The following KCNQ1 variants were observed in gnomAD, a reference collection of about 807,000 sequenced individuals.
KCNQ1 encodes the protein potassium voltage-gated channel subfamily Q member 1, also known as potassium voltage-gated channel subfamily KQT member 1.
A neutral mutation model predicts 72.4 loss-of-function variants in KCNQ1; 49 were observed. The observed-to-expected ratio is 0.68, with a 90% CI of 0.54 to 0.86. KCNQ1 has a LOEUF of 0.86. KCNQ1 is among the 40% of genes least tolerant of loss of function. KCNQ1 has a pLI of 0.00. For missense variants in KCNQ1, 790 were observed against 945.1 expected (o/e 0.84, Z 2.15); for synonymous variants, 450 against 412.6 (o/e 1.09, Z -1.10).
Position 2,570,671 on chromosome 11 carries a change from G to A in KCNQ1, c.521G>A (p.Arg174His), listed in dbSNP as rs199472697. 2 of 1,612,404 alleles carry A rather than the reference G, an allele frequency of 1.2e-6. No individual in the cohort carries two copies. Among genetic ancestry groups the A allele is most frequent in the South Asian group, 1.1e-5 (1 of 91,082 alleles). The change falls in exon 3 of 16, where the codon CGC becomes CAC. Residue 174 changes from arginine (R) to histidine (H), a missense_variant. By Grantham distance (29) the Arg-to-His change is conservative. Around this residue, in one of 5 missense-constraint regions of KCNQ1, gnomAD observed 294 missense variants for 323.3 expected, o/e 0.91. Coordinates refer to ENST00000155840, the MANE Select transcript of KCNQ1 (RefSeq NM_000218.3). The stretch of plus-strand genomic sequence containing the variant: ...TTCTTCGGGACGGAGTACGTGGTCC[G>A]CCTCTGGTCCGCCGGCTGCCGCAGC... ...VVFFGTEYVV[R>H]LWSAGCRSKY...
At position 2,658,602 on chromosome 11, in the gene KCNQ1, A is replaced by G. The variant is rs1369756521; in HGVS notation, c.1394-3359A>G. The G allele has an allele frequency of 7.5e-6, 3 of 398,412 alleles. No homozygotes were observed. 24.7% of individuals were successfully genotyped at this position (398,412 alleles called of 1,614,324 possible). ...AGCCCTGGCTCCCTGGAGAATGAAT[A>G]GAAAACCTGGATCTAGGCACGGGGT... On this transcript the variant is annotated intron_variant, in intron 10 of 15. Coordinates refer to ENST00000155840, the MANE Select transcript of KCNQ1 (RefSeq NM_000218.3). The surrounding 1 kb of genome is among the most constrained non-coding windows in gnomAD (Gnocchi z 4.9).
rs35412197 is a variant in KCNQ1 at position 2,477,734 on chromosome 11, TAA to T, written c.386+32263_386+32264del. Among the ~76,000 whole-genome samples, 348 of 141,534 alleles carry T rather than the reference TAA, an allele frequency of 2.5e-3. 2 individuals are homozygous for T. The highest frequency in any genetic ancestry group is 5.4e-3 in the African/African-American group (209 of 38,580). The allele number at this position is 141,534 out of a possible 152,430, so 92.9% of individuals were successfully genotyped here. On this transcript the variant is annotated intron_variant, in intron 1 of 15. Coordinates refer to ENST00000155840, the MANE Select transcript of KCNQ1 (RefSeq NM_000218.3). The surrounding 1 kb of genome is among the most constrained non-coding windows in gnomAD (Gnocchi z 5.0). ...ATAGTGAGACCCCATCTCTTTTTATTAAAAAAAAAAAAAAGACCATACATACA... is the reference window on the plus strand; with the variant it reads ...ATAGTGAGACCCCATCTCTTTTTATTAAAAAAAAAAAAGACCATACATACA...
intron 11 of KCNQ1, chr11:2,697,864 C>A (rs1043857758): frequency 1.5e-5 from 6 of 398,476 alleles, no homozygotes; most frequent in Non-Finnish European, 2.7e-5. Flanking sequence ...TGCTCTGATT[C>A]GCAATTTTAA....
intron 10 of KCNQ1, chr11:2,648,323 T>G: frequency 2.5e-6 from 1 of 398,614 alleles, no homozygotes; most frequent in Non-Finnish European, 4.4e-6. Flanking sequence ...TAGGTTTGAT[T>G]TGTTCTTGCT....
In KCNQ1 at chr11:2,826,311, G is replaced by A. The variant is rs1435130138; in HGVS notation, c.1795-21456G>A. The stretch of plus-strand genomic sequence containing the variant: ...TGAGCCGGGGTTGGGGGCGGGGAGG[G>A]CAGGTTAACCCTTCGGGCTCCAGTA... On this transcript the variant is annotated intron_variant, in intron 15 of 15. Coordinates refer to ENST00000155840, the MANE Select transcript of KCNQ1 (RefSeq NM_000218.3). The surrounding 1 kb of genome is among the most constrained non-coding windows in gnomAD (Gnocchi z 4.2). Among the ~76,000 whole-genome samples, 1 of 152,238 alleles carries A rather than the reference G, an allele frequency of 6.6e-6. No individual in the cohort carries two copies. Among genetic ancestry groups the A allele is most frequent in the African/African-American group, 2.4e-5 (1 of 41,462 alleles).
At chr11:2,461,553 C>A (rs928084121) in intron 1 of KCNQ1, 1 of 1,351,774 alleles carries the variant, frequency 7.4e-7, no homozygotes, top group Non-Finnish European at 9.8e-7. Context: ...TGGTGCCGGG[C>A]CTGGATTTAC....
chr11:2,553,158 T>C (rs1227581537), intron 2 of KCNQ1, among the ~76,000 whole-genome samples: 1 of 130,748 alleles, frequency 7.6e-6, no homozygotes, highest in Non-Finnish European at 1.5e-5. Context: ...TTGGGGTTTT[T>C]TTTGTTTTTT....
chr11:2,790,807 G>A, intron 15 of KCNQ1, among the ~76,000 whole-genome samples: 1 of 152,220 alleles, frequency 6.6e-6, no homozygotes, highest in Admixed American at 6.5e-5. Context: ...CAGAGGGTGT[G>A]AGCATGAGGA....
At chr11:2,833,167 G>A (rs1360019290) in intron 15 of KCNQ1, among the ~76,000 whole-genome samples, 1 of 152,196 alleles carries the variant, frequency 6.6e-6, no homozygotes, top group Non-Finnish European at 1.5e-5. Context: ...TGCCTCTGGA[G>A]TCGAGGCAAT....
At position 2,684,567 on chromosome 11, in the gene KCNQ1, G is replaced by A. The variant is rs1002941015; in HGVS notation, c.1514+22486G>A. On this transcript the variant is annotated intron_variant, in intron 11 of 15. Coordinates refer to ENST00000155840, the MANE Select transcript of KCNQ1 (RefSeq NM_000218.3). Reference sequence around the variant, plus strand: ...GATGCTTTCTCCATGTCCCATAAATGACTTTCTGGCAGAGGAGAGTGACTG... The same window carrying A: ...GATGCTTTCTCCATGTCCCATAAATAACTTTCTGGCAGAGGAGAGTGACTG... 5.5e-5 allele frequency: 22 copies of A among 398,624 alleles called. No homozygotes were observed. The East Asian group carries it at 7.8e-4, about 14-fold the overall frequency. The allele number at this position is 398,624 out of a possible 1,614,324, so 24.7% of individuals were successfully genotyped here.
chr11:2,487,328 CT>C (rs1846755668), intron 1 of KCNQ1, among the ~76,000 whole-genome samples: 1 of 152,136 alleles, frequency 6.6e-6, no homozygotes, highest in Non-Finnish European at 1.5e-5. Context: ...CTTGGCTTTT[CT>C]TTTTCAATAT....
In KCNQ1 at chr11:2,710,567, A is replaced by G. The variant is rs1850985902; in HGVS notation, c.1514+48486A>G. On this transcript the variant is annotated intron_variant, in intron 11 of 15. Coordinates refer to ENST00000155840, the MANE Select transcript of KCNQ1 (RefSeq NM_000218.3). This position sits in a 1 kb window ranked among gnomAD's most constrained non-coding sequence, Gnocchi z 4.1. ...TAACAACATGTAATCTGAGGTCAAAAAGATTTACCCCTATATTTTCTTCCA... is the reference window on the plus strand; with the variant it reads ...TAACAACATGTAATCTGAGGTCAAAGAGATTTACCCCTATATTTTCTTCCA... 1.3e-5 allele frequency among the ~76,000 whole-genome samples: 2 copies of G among 152,182 alleles called. No individual in the cohort carries two copies. The highest frequency in any genetic ancestry group is 4.1e-4 in the South Asian group (2 of 4,824).
chr11:2,570,552 T>G (rs1589956399), intron 2 of KCNQ1, 76 bp from the exon 3 acceptor site: 10 of 1,592,720 alleles, frequency 6.3e-6, no homozygotes, highest in Non-Finnish European at 1.7e-6. Context: ...CATGGCTGGG[T>G]TCAAACAGGT....
At chr11:2,628,066 A>G in intron 10 of KCNQ1, 1 of 398,568 alleles carries the variant, frequency 2.5e-6, no homozygotes, top group East Asian at 3.6e-5. Context: ...TATGTTGCTC[A>G]TTTCTTGACT....
rs1589901248 is a variant in KCNQ1, at chr11:2,475,225, G to A, written c.386+29741G>A. 6.6e-6 allele frequency among the ~76,000 whole-genome samples: 1 copy of A among 152,214 alleles called. No individual in the cohort carries two copies. Among genetic ancestry groups the A allele is most frequent in the East Asian group, 1.9e-4 (1 of 5,158 alleles). Reference sequence around the variant, plus strand: ...GCTATTCTGGATGTTTCATGTGCCTGAAATCATGGCAAACGTGGCCCTGTG... The same window carrying A: ...GCTATTCTGGATGTTTCATGTGCCTAAAATCATGGCAAACGTGGCCCTGTG... On this transcript the variant is annotated intron_variant, in intron 1 of 15. Coordinates refer to ENST00000155840, the MANE Select transcript of KCNQ1 (RefSeq NM_000218.3). The surrounding 1 kb of genome is among the most constrained non-coding windows in gnomAD (Gnocchi z 5.8).
rs2133866615 is a variant in KCNQ1 at position 2,669,539 on chromosome 11, A to G, written c.1514+7458A>G. 2.5e-6 allele frequency: 1 copy of G among 398,620 alleles called. No individual in the cohort carries two copies. The highest frequency in any genetic ancestry group is 6.3e-4 in the Middle Eastern group (1 of 1,588). 24.7% of individuals were successfully genotyped at this position (398,620 alleles called of 1,614,324 possible). A position where few individuals can be genotyped will look rare whatever the true frequency, so the allele number is the denominator to read the frequency against. On this transcript the variant is annotated intron_variant, in intron 11 of 15. Coordinates refer to ENST00000155840, the MANE Select transcript of KCNQ1 (RefSeq NM_000218.3). This position sits in a 1 kb window ranked among gnomAD's most constrained non-coding sequence, Gnocchi z 5.6. Reference sequence around the variant, plus strand: ...TGATGTATGTTCGCTGAATCCAGGGACAAGGTCTGTCAGGGAGCCCTGGCC... The same window carrying G: ...TGATGTATGTTCGCTGAATCCAGGGGCAAGGTCTGTCAGGGAGCCCTGGCC...
At position 2,762,961 on chromosome 11, in the gene KCNQ1, G is replaced by C. The variant is rs1348840410; in HGVS notation, c.1515-5883G>C. On this transcript the variant is annotated intron_variant, in intron 11 of 15. Coordinates refer to ENST00000155840, the MANE Select transcript of KCNQ1 (RefSeq NM_000218.3). The surrounding 1 kb of genome is among the most constrained non-coding windows in gnomAD (Gnocchi z 4.3). ...GCCCTGTGGCCTCATGAAACCCTAG[G>C]AGTGTCAGACCTCTGACTTTGTTGT... is the stretch of plus-strand genomic sequence containing the variant. Among the ~76,000 whole-genome samples the C allele has an allele frequency of 2.6e-5, 4 of 152,158 alleles. No homozygotes were observed. The highest frequency in any genetic ancestry group is 9.7e-5 in the African/African-American group (4 of 41,434).
At chr11:2,844,591 G>A (rs551615542) in intron 15 of KCNQ1, among the ~76,000 whole-genome samples, 9 of 152,292 alleles carry the variant, frequency 5.9e-5, no homozygotes, top group African/African-American at 1.4e-4. Context: ...ACACGGTGCC[G>A]GGACTCCCTG....
At chr11:2,615,263 A>G (rs11023474) in intron 10 of KCNQ1, 5,553 of 398,024 alleles carry the variant, frequency 0.014, 151 homozygotes, top group African/African-American at 0.059. Context: ...GTACCCTGCA[A>G]TTTTGCTGGA....
Sources: allele counts gnomAD v4.1 joint callset (sites outside exome capture counted in the v4.1 genomes callset), GRCh38; gene constraint gnomAD v4.1.1; regional missense constraint gnomAD v4.1.1; non-coding constraint Gnocchi (gnomAD v3.1); transcripts MANE v1.5; gene names NCBI Gene and HGNC (gene_info 2026-07-23, HGNC 2026-07-21).